ZFC3H1: variants seen among roughly 807,000 people sequenced by gnomAD.
ZFC3H1 encodes zinc finger C3H1-type containing.
A neutral mutation model predicts 243.7 loss-of-function variants in ZFC3H1; 71 were observed. The ratio of observed to expected loss-of-function variants is 0.29; its 90% CI spans 0.24 to 0.36. The LOEUF is 0.36. ZFC3H1 is among the 10% of genes least tolerant of loss of function. The probability of loss-of-function intolerance (pLI) is 1.00; values close to 1 mark genes in which losing one functional copy is unlikely to be tolerated. For synonymous variants in ZFC3H1, 838 were observed against 813.0 expected (o/e 1.03, Z -0.52); for missense variants, 1,966 against 2,317.1 (o/e 0.85, Z 3.11).
At chr12:71,655,782 G>A (rs1230866562) in intron 2 of ZFC3H1, among the ~76,000 whole-genome samples, 1 of 151,950 alleles carries the variant, frequency 6.6e-6, no homozygotes, top group African/African-American at 2.4e-5. Flanking sequence ...ACTAATTTGA[G>A]TATTATAACC....
intron 1 of ZFC3H1, among the ~76,000 whole-genome samples, chr12:71,662,543 A>AAACAGAATC (rs1881210859): frequency 6.7e-6 from 1 of 150,238 alleles, no homozygotes; most frequent in Non-Finnish European, 1.5e-5. Flanking sequence ...ATCAAGATAA[A>AAACAGAATC]AACAGAATCA....
At chr12:71,651,963 T>C (rs1299580660) in intron 2 of ZFC3H1, among the ~76,000 whole-genome samples, 5 of 152,224 alleles carry the variant, frequency 3.3e-5, no homozygotes, top group African/African-American at 1.2e-4. Flanking sequence ...TGATATGGAT[T>C]ACAAACAAGT....
intron 2 of ZFC3H1, among the ~76,000 whole-genome samples, chr12:71,652,361 A>G (rs1053414226): frequency 2.6e-5 from 4 of 152,188 alleles, no homozygotes; most frequent in African/African-American, 9.7e-5. Context: ...CAAAATTCAA[A>G]TTCTTTAGCA....
rs12296949 is a variant in ZFC3H1, at chr12:71,641,045, C to T, written c.1627+1391G>A. On this transcript the variant is annotated intron_variant, in intron 6 of 34. Transcript: ENST00000378743. ...AAAAAAATACATATATATAAATATC[C>T]GCAGTTAACGTGGCAAAAAATTAAA... is the stretch of plus-strand genomic sequence containing the variant. 8.6e-3 allele frequency among the ~76,000 whole-genome samples: 1,303 copies of T among 151,774 alleles called. 19 individuals are homozygous for T. The highest frequency in any genetic ancestry group is 0.03 in the African/African-American group (1,243 of 41,382).
intron 11 of ZFC3H1, 82 bp from the exon 12 acceptor site, chr12:71,634,386 T>C: frequency 7.0e-7 from 1 of 1,423,628 alleles, no homozygotes. Flanking sequence ...TTTCATGCAG[T>C]AACAATATTA....
intron 2 of ZFC3H1, chr12:71,656,320 GA>G: frequency 2.6e-6 from 1 of 387,652 alleles, no homozygotes; most frequent in Non-Finnish European, 4.5e-6. Context: ...AAGAGGAAAA[GA>G]AAAAACAAGC....
Position 71,611,808 on chromosome 12 carries a change from T to C in ZFC3H1, c.5707A>G (p.Thr1903Ala). Residue 1903 changes from threonine (T) to alanine (A), a missense_variant, in exon 32 of 35, where the codon ACA becomes GCA. Thr to Ala is a moderately conservative substitution (Grantham distance 58, BLOSUM62 0). Coordinates refer to ENST00000378743, the MANE Select transcript of ZFC3H1 (RefSeq NM_144982.5). The part of the protein sequence containing the change: ...QAKMFTYNIP[T>A]CLATWKIAIA... ...TACATTTTCCAGGTGGCCAGGCATG[T>C]TGGGATATTATATGTAAACATCTTG... 6.2e-7 allele frequency: 1 copy of C among 1,609,932 alleles called. No individual in the cohort carries two copies. The highest frequency in any genetic ancestry group is 8.5e-7 in the Non-Finnish European group (1 of 1,177,286).
At chr12:71,628,507 T>C (rs908610210) in intron 20 of ZFC3H1, among the ~76,000 whole-genome samples, 10 of 152,222 alleles carry the variant, frequency 6.6e-5, no homozygotes, top group Non-Finnish European at 1.5e-4. Flanking sequence ...CATCATTTGT[T>C]CATTCTCATC....
chr12:71,623,270 A>T, intron 24 of ZFC3H1, 90 bp downstream of exon 24: 1 of 1,115,810 alleles, frequency 9.0e-7, no homozygotes, highest in Non-Finnish European at 1.2e-6. Context: ...TGTTCCACTT[A>T]ATTACAGAGA....
intron 11 of ZFC3H1, 62 bp downstream of exon 11, chr12:71,634,642 T>C (rs2137537708): frequency 6.6e-7 from 1 of 1,516,520 alleles, no homozygotes; most frequent in Non-Finnish European, 8.8e-7. Context: ...CAAGAAACTC[T>C]ATAAGAGAAG....
chr12:71,663,393 G>T lies in ZFC3H1; in HGVS notation c.218C>A (p.Ser73Tyr). ...CTGCTGAGAAGAGGACGATGACGAG[G>T]AAGAGCCACCGCCTCCGCCAGATCC... is the stretch of plus-strand genomic sequence containing the variant. ...GGGSGGGGGS[S>Y]SSSSSSQQQL... is the part of the protein sequence containing the mutation. Residue 73 changes from serine (S) to tyrosine (Y), a missense_variant, in exon 1 of 35, where the codon TCC (serine) becomes TAC (tyrosine). Ser to Tyr is a moderately radical substitution (Grantham distance 144, BLOSUM62 -2). This residue lies in a region of ZFC3H1 where 484 missense variants were observed against 449.7 expected (regional missense o/e 1.08). Coordinates refer to ENST00000378743, the MANE Select transcript of ZFC3H1 (RefSeq NM_144982.5). 6.2e-7 allele frequency: 1 copy of T among 1,612,178 alleles called. No individual in the cohort carries two copies. The highest frequency in any genetic ancestry group is 1.1e-5 in the South Asian group (1 of 91,090).
chr12:71,629,275 C>T (rs1880253198), intron 19 of ZFC3H1, among the ~76,000 whole-genome samples: 1 of 151,190 alleles, frequency 6.6e-6, no homozygotes, highest in African/African-American at 2.4e-5. Flanking sequence ...AAGTGATTTT[C>T]CTGCCTCAGC....
In ZFC3H1 at chr12:71,630,648, T is replaced by C; in HGVS notation, c.3676A>G (p.Ile1226Val). 6.2e-7 allele frequency: 1 copy of C among 1,613,642 alleles called. No homozygotes were observed. The highest frequency in any genetic ancestry group is 8.5e-7 in the Non-Finnish European group (1 of 1,179,808). ...QDILSYNLSL[I>V]GCAETSTNEE... ...TTAGTACTTGTCTCTGCACAACCAA[T>C]CAAAGACAGATTATATGACAGAATG... is the stretch of plus-strand genomic sequence containing the variant. The change falls in exon 18 of 35, where the codon ATT becomes GTT. Residue 1226 changes from isoleucine (I) to valine (V), a missense_variant. This residue lies in a region of ZFC3H1 where 1,383 missense variants were observed against 1,723.7 expected (regional missense o/e 0.80). Coordinates refer to ENST00000378743, the MANE Select transcript of ZFC3H1 (RefSeq NM_144982.5).
chr12:71,623,467 G>C lies in ZFC3H1; in HGVS notation c.4637C>G (p.Ser1546Cys). Residue 1546 changes from serine (S) to cysteine (C), a missense_variant, in exon 24 of 35, where the codon TCT becomes TGT. Transcript: ENST00000378743. ...AACAATTCTTGAAGGATTATCATTAGATGGATCATAAAATTTTGAAGGGAG... is the reference window on the plus strand; with the variant it reads ...AACAATTCTTGAAGGATTATCATTACATGGATCATAAAATTTTGAAGGGAG... ...NILPSKFYDP[S>C]NDNPSRIVNT... The C allele has an allele frequency of 6.2e-7, 1 of 1,613,762 alleles. No individual in the cohort carries two copies. The highest frequency in any genetic ancestry group is 8.5e-7 in the Non-Finnish European group (1 of 1,179,838).
intron 16 of ZFC3H1, 38 bp from the exon 17 acceptor site, chr12:71,630,992 C>A (rs1377302668): frequency 6.8e-6 from 10 of 1,470,124 alleles, no homozygotes; most frequent in Non-Finnish European, 8.2e-6. Context: ...TTATGCCCAA[C>A]AAACATTCCT....
At chr12:71,659,775 A>T (rs1027129300) in intron 1 of ZFC3H1, among the ~76,000 whole-genome samples, 2 of 152,182 alleles carry the variant, frequency 1.3e-5, no homozygotes, top group Admixed American at 1.3e-4. Context: ...GTCAAGATAC[A>T]ATTTCTAACT....
chr12:71,618,995 A>T (rs545494662), intron 27 of ZFC3H1, among the ~76,000 whole-genome samples: 2 of 152,326 alleles, frequency 1.3e-5, no homozygotes, highest in South Asian at 4.1e-4. Flanking sequence ...AATCACTGAG[A>T]TTGCCTTGGG....
chr12:71,640,386 C>T (rs1244020615), intron 6 of ZFC3H1, among the ~76,000 whole-genome samples: 1 of 152,236 alleles, frequency 6.6e-6, no homozygotes, highest in Admixed American at 6.5e-5. Flanking sequence ...AGTGTGAGCA[C>T]TGGCCAGAAA....
chr12:71,633,358 G>C lies in ZFC3H1; in HGVS notation c.2591C>G (p.Ala864Gly). 3 of 1,601,854 alleles carry C rather than the reference G, an allele frequency of 1.9e-6. No individual in the cohort carries two copies. Among genetic ancestry groups the C allele is most frequent in the Non-Finnish European group, 2.6e-6 (3 of 1,173,758 alleles). Residue 864 changes from alanine to glycine, a missense_variant, in exon 13 of 35, where the codon GCT (alanine) becomes GGT (glycine). By Grantham distance (60) the Ala-to-Gly change is moderately conservative. Transcript: ENST00000378743. The part of the protein sequence containing the change: ...EAKKKESVRN[A>G]EAKITKLTEQ... ...TGTAAGTTTTGTAATCTTTGCTTCA[G>C]CATTTCTAACAGATTCTTTCTTCTT...
Sources: allele counts gnomAD v4.1 joint callset (sites outside exome capture counted in the v4.1 genomes callset), GRCh38; gene constraint gnomAD v4.1.1; regional missense constraint gnomAD v4.1.1; transcripts MANE v1.5; gene names NCBI Gene and HGNC (gene_info 2026-07-23, HGNC 2026-07-21).